Variants in PPP6C observed in about 807,000 individuals in gnomAD.
PPP6C encodes the protein protein phosphatase 6 catalytic subunit.
A neutral mutation model predicts 39.8 loss-of-function variants in PPP6C; 11 were observed. The ratio of observed to expected loss-of-function variants is 0.28; its 90% CI spans 0.17 to 0.46. The LOEUF is 0.46. Ranked by LOEUF, PPP6C falls within the 20% of genes least tolerant of loss-of-function variation. The pLI, the probability that PPP6C is intolerant of heterozygous loss-of-function variation, is 1.00. For missense variants in PPP6C, 211 were observed against 373.9 expected, an observed-to-expected ratio of 0.56 and a Z score of 3.59; for synonymous variants, 129 against 130.3, an observed-to-expected ratio of 0.99 and a Z score of 0.07.
chr9:125,160,318 C>T (rs577970528), intron 3 of PPP6C, among the ~76,000 whole-genome samples: 26 of 152,264 alleles, frequency 1.7e-4, no homozygotes, highest in Non-Finnish European at 2.6e-4. Flanking sequence ...CAGTGGCTTA[C>T]TAAGGCAATT....
chr9:125,189,550 T>TG (rs777872160), intron 1 of PPP6C, 94 bp downstream of exon 1: 3 of 1,579,396 alleles, frequency 1.9e-6, no homozygotes, highest in Non-Finnish European at 1.7e-6. Flanking sequence ...CCACCGCGAC[T>TG]GGACTGGATA....
chr9:125,152,064 C>T (rs566939231), intron 6 of PPP6C, among the ~76,000 whole-genome samples: 1 of 151,986 alleles, frequency 6.6e-6, no homozygotes, highest in Non-Finnish European at 1.5e-5. Flanking sequence ...TGGCTGAGCA[C>T]CCTGTAAGGC....
intron 1 of PPP6C, among the ~76,000 whole-genome samples, chr9:125,182,776 C>T (rs1231791466): frequency 6.7e-6 from 1 of 148,850 alleles, no homozygotes. Context: ...TAACTTCCCA[C>T]CCCTCCCCTG....
rs542026444 is a variant in PPP6C at position 125,177,529 on chromosome 9, C to T, written c.76-6349G>A. ...CTCAGCAATATAGAGAGACTTCGTT[C>T]TCCATATAAAGGGAAAAAAAGAAAA... is the stretch of plus-strand genomic sequence containing the variant. On this transcript the variant is annotated intron_variant, in intron 1 of 6. Coordinates refer to ENST00000373547, the MANE Select transcript of PPP6C (RefSeq NM_002721.5). 4.7e-4 allele frequency among the ~76,000 whole-genome samples: 72 copies of T among 152,106 alleles called. 1 individual carries two copies. Among genetic ancestry groups the T allele is most frequent in the Middle Eastern group, 3.4e-3 (1 of 294 alleles).
At chr9:125,162,562 A>G (rs2131313481) in intron 2 of PPP6C, among the ~76,000 whole-genome samples, 1 of 151,440 alleles carries the variant, frequency 6.6e-6, no homozygotes, top group South Asian at 2.1e-4. Context: ...TCATGAGGTC[A>G]GGAGATCAAG....
intron 1 of PPP6C, among the ~76,000 whole-genome samples, chr9:125,173,825 C>A (rs1268983157): frequency 3.9e-5 from 6 of 152,008 alleles, no homozygotes; most frequent in Non-Finnish European, 8.8e-5. Context: ...ACCATGTTGG[C>A]CAGGATGGTC....
Position 125,149,566 on chromosome 9 carries a change from C to A in PPP6C, c.*107G>T. The A allele has an allele frequency of 1.6e-6, 2 of 1,251,858 alleles. No individual in the cohort carries two copies. Among genetic ancestry groups the A allele is most frequent in the Non-Finnish European group, 2.2e-6 (2 of 924,316 alleles). 77.5% of individuals were successfully genotyped at this position (1,251,858 alleles called of 1,614,324 possible). On this transcript the variant is annotated 3_prime_UTR_variant, in exon 7 of 7. Transcript: ENST00000373547. ...TTAAAAAAAAAAAGGCAAGAGGCAG[C>A]ATTTCAGCAGCAAAGTGCTCAATAA...
At chr9:125,167,379 C>CAAAAAAAAAAAAAAAAAAAAA (rs758123351) in intron 2 of PPP6C, among the ~76,000 whole-genome samples, 4 of 56,098 alleles carry the variant, frequency 7.1e-5, no homozygotes, top group African/African-American at 3.0e-4. Context: ...AGACCCTGTC[C>CAAAAAAAAAAAAAAAAAAAAA]AAAAAAAAAA....
In PPP6C at chr9:125,186,291, GA is replaced by G. The variant is rs140341529; in HGVS notation, c.75+3352del. 4.4e-3 allele frequency among the ~76,000 whole-genome samples: 671 copies of G among 151,664 alleles called. 23 individuals are homozygous for G. Among genetic ancestry groups the G allele is most frequent in the African/African-American group, 0.016 (650 of 41,230 alleles). Reference sequence around the variant, plus strand: ...AGGTTGCACTTCATGCCAAGAAACAGAAAAAAATTAAATTTCTTTAAATACA... The same window carrying G: ...AGGTTGCACTTCATGCCAAGAAACAGAAAAAATTAAATTTCTTTAAATACA... On this transcript the variant is annotated intron_variant, in intron 1 of 6. Transcript: ENST00000373547.
chr9:125,177,601 C>T, intron 1 of PPP6C, among the ~76,000 whole-genome samples: 1 of 152,080 alleles, frequency 6.6e-6, no homozygotes, highest in East Asian at 1.9e-4. Flanking sequence ...CCCTGCCCCT[C>T]CCCACAGCCT....
chr9:125,156,041 C>A (rs1187934946), intron 4 of PPP6C, among the ~76,000 whole-genome samples: 2 of 151,628 alleles, frequency 1.3e-5, no homozygotes, highest in Non-Finnish European at 2.9e-5. Context: ...ACTGTTTTCA[C>A]TGAGCTAATA....
intron 2 of PPP6C, among the ~76,000 whole-genome samples, chr9:125,161,772 C>T (rs62580609): frequency 0.024 from 3,627 of 152,288 alleles, 51 homozygotes; most frequent in Middle Eastern, 0.058. Context: ...AATTTGGTAA[C>T]TGGCAAATTG....
At chr9:125,162,755 G>A (rs1335754379) in intron 2 of PPP6C, among the ~76,000 whole-genome samples, 1 of 141,966 alleles carries the variant, frequency 7.0e-6, no homozygotes, top group Non-Finnish European at 1.5e-5. Context: ...TAGCCTGGGT[G>A]ACAGAGCAAG....
intron 3 of PPP6C, among the ~76,000 whole-genome samples, chr9:125,159,690 A>G (rs998618976): frequency 2.0e-5 from 3 of 152,196 alleles, no homozygotes; most frequent in Admixed American, 6.5e-5. Context: ...ACTTGGGCCA[A>G]TATTACACCA....
At chr9:125,171,038 G>A in intron 2 of PPP6C, 47 bp downstream of exon 2, 2 of 1,240,426 alleles carry the variant, frequency 1.6e-6, no homozygotes, top group African/African-American at 3.1e-5. Flanking sequence ...AAACACACAT[G>A]GATCATGGAC....
chr9:125,171,550 GTTT>G (rs564903539), intron 1 of PPP6C, among the ~76,000 whole-genome samples: 2,599 of 136,704 alleles, frequency 0.019, 31 homozygotes, highest in Middle Eastern at 0.066. Context: ...AGGTTTTTGG[GTTT>G]TTTTGTTTTT....
intron 2 of PPP6C, among the ~76,000 whole-genome samples, chr9:125,166,679 CCCA>C (rs1419387304): frequency 6.6e-6 from 1 of 151,716 alleles, no homozygotes; most frequent in African/African-American, 2.4e-5. Flanking sequence ...ATTACAGGCA[CCCA>C]CCACCACACC....
In PPP6C at chr9:125,162,943, C is replaced by T. The variant is rs1406285759; in HGVS notation, c.172-2037G>A. Among the ~76,000 whole-genome samples the T allele has an allele frequency of 4.0e-5, 6 of 150,380 alleles. No individual in the cohort carries two copies. The South Asian group carries it at 8.4e-4, about 21-fold the overall frequency. ...AAATACAAAAATTAGCCAGGCGTGG[C>T]GGCGGGCACCTGTAGTCCCAGCTAC... On this transcript the variant is annotated intron_variant, in intron 2 of 6. Coordinates refer to ENST00000373547, the MANE Select transcript of PPP6C (RefSeq NM_002721.5).
chr9:125,167,379 CA>C lies in PPP6C; in HGVS notation c.171+3705del, dbSNP rs758123351. 3.3e-3 allele frequency among the ~76,000 whole-genome samples: 186 copies of C among 56,078 alleles called. 2 individuals carry two copies. Among genetic ancestry groups the C allele is most frequent in the South Asian group, 6.3e-3 (7 of 1,106 alleles). 36.8% of individuals were successfully genotyped at this position (56,078 alleles called of 152,430 possible). ...TTGGGTGACAGAGCGAGACCCTGTCCAAAAAAAAAAAAAAAAAAAAGAAATA... is the reference window on the plus strand; with the variant it reads ...TTGGGTGACAGAGCGAGACCCTGTCCAAAAAAAAAAAAAAAAAAAGAAATA... On this transcript the variant is annotated intron_variant, in intron 2 of 6. Transcript: ENST00000373547.
Sources: gnomAD v4.1 joint callset for allele counts (sites outside exome capture counted in the v4.1 genomes callset) on GRCh38, gnomAD v4.1.1 for gene constraint, MANE v1.5 for transcripts, NCBI Gene and HGNC (gene_info 2026-07-23, HGNC 2026-07-21) for gene names.